NAV3: variants seen among roughly 807,000 people sequenced by gnomAD.
NAV3 encodes the protein neuron navigator 3, also known as pore membrane and/or filament interacting like protein 1.
Under a neutral mutation model 244.7 loss-of-function variants are expected in NAV3, and 87 were observed. That is an observed-to-expected ratio of 0.36 (90% CI 0.30 to 0.42). The LOEUF is 0.42. Among genes scored for constraint, NAV3 ranks in the 20% least tolerant of loss-of-function variants. The pLI is 1.00. For missense variants in NAV3, 2,663 were observed against 2,893.3 expected (o/e 0.92, Z 1.83); for synonymous variants, 1,126 against 1,042.2 (o/e 1.08, Z -1.55).
At chr12:77,573,953 A>G (rs979601270) in intron 2 of NAV3, among the ~76,000 whole-genome samples, 3 of 152,144 alleles carry the variant, frequency 2.0e-5, no homozygotes, top group South Asian at 2.1e-4. Context: ...AACTGTAAAC[A>G]ATGGTTTGTA....
At chr12:78,009,476 A>T in intron 8 of NAV3, among the ~76,000 whole-genome samples, 1 of 137,090 alleles carries the variant, frequency 7.3e-6, no homozygotes, top group Non-Finnish European at 1.7e-5. Context: ...AAAAAAGAGA[A>T]AAAAAGGGCG....
intron 20 of NAV3, among the ~76,000 whole-genome samples, chr12:78,141,336 T>G (rs1956604750): frequency 6.6e-6 from 1 of 152,168 alleles, no homozygotes; most frequent in Admixed American, 6.5e-5. Flanking sequence ...CTACAGGAAG[T>G]TATATTTTAT....
At chr12:78,167,594 C>T (rs1176588780) in intron 23 of NAV3, among the ~76,000 whole-genome samples, 1 of 150,420 alleles carries the variant, frequency 6.6e-6, no homozygotes, top group Non-Finnish European at 1.5e-5. Context: ...CTGCAAAGGC[C>T]GCTGTGGATG....
intron 2 of NAV3, among the ~76,000 whole-genome samples, chr12:77,670,353 T>C (rs1308119138): frequency 6.6e-6 from 1 of 152,066 alleles, no homozygotes; most frequent in East Asian, 1.9e-4. Flanking sequence ...ACAGCTGAAT[T>C]CTATCAGACA....
chr12:77,843,117 C>G (rs1432103592), intron 1 of NAV3, among the ~76,000 whole-genome samples: 4 of 151,946 alleles, frequency 2.6e-5, no homozygotes, highest in Non-Finnish European at 5.9e-5. Flanking sequence ...GATTCTGTTT[C>G]ACATTTCTTT....
chr12:78,123,343 A>T (rs71462126), intron 16 of NAV3, among the ~76,000 whole-genome samples: 48 of 149,456 alleles, frequency 3.2e-4, no homozygotes, highest in Middle Eastern at 6.9e-3. Context: ...TGTTTTTTTT[A>T]TTTTTTTTTT....
chr12:77,664,109 A>T (rs772862212), intron 2 of NAV3, among the ~76,000 whole-genome samples: 14 of 152,376 alleles, frequency 9.2e-5, no homozygotes, highest in Admixed American at 8.5e-4. Context: ...AACCAAAATT[A>T]AAAATTATGA....
At chr12:77,771,521 C>T (rs1870085872) in intron 2 of NAV3, among the ~76,000 whole-genome samples, 1 of 152,138 alleles carries the variant, frequency 6.6e-6, no homozygotes, top group Admixed American at 6.5e-5. Flanking sequence ...ACCCAAATGT[C>T]CCACAATGAT....
intron 12 of NAV3, among the ~76,000 whole-genome samples, chr12:78,078,552 C>T (rs372453289): frequency 3.3e-5 from 5 of 151,328 alleles, no homozygotes; most frequent in Admixed American, 2.6e-4. Flanking sequence ...CCCGCCACTA[C>T]GCCCGGCTAA....
chr12:77,617,735 T>C (rs1482148833), intron 2 of NAV3, among the ~76,000 whole-genome samples: 1 of 152,154 alleles, frequency 6.6e-6, no homozygotes, highest in Non-Finnish European at 1.5e-5. Flanking sequence ...GTAAGATAGA[T>C]GAAATTAACA....
At chr12:78,037,582 C>T (rs1277373663) in intron 9 of NAV3, among the ~76,000 whole-genome samples, 1 of 151,762 alleles carries the variant, frequency 6.6e-6, no homozygotes, top group Non-Finnish European at 1.5e-5. Context: ...CTATGAGCAC[C>T]ACTGGTAAGG....
At chr12:77,749,815 A>G (rs953781022) in intron 2 of NAV3, among the ~76,000 whole-genome samples, 4 of 152,198 alleles carry the variant, frequency 2.6e-5, no homozygotes, top group Non-Finnish European at 4.4e-5. Context: ...CTCGCTGTAT[A>G]TATCAGAGTG....
chr12:78,167,155 G>A (rs963537300), intron 23 of NAV3, among the ~76,000 whole-genome samples: 1 of 151,600 alleles, frequency 6.6e-6, no homozygotes, highest in Non-Finnish European at 1.5e-5. Flanking sequence ...TGCTAATTTG[G>A]CAGTGGACAG....
At chr12:78,039,834 A>G (rs1880552715) in intron 9 of NAV3, among the ~76,000 whole-genome samples, 2 of 152,034 alleles carry the variant, frequency 1.3e-5, no homozygotes, top group Non-Finnish European at 2.9e-5. Context: ...CACCAATGTT[A>G]AAAACTCTAG....
intron 2 of NAV3, among the ~76,000 whole-genome samples, chr12:77,589,951 C>T (rs1190011644): frequency 1.3e-5 from 2 of 152,208 alleles, no homozygotes; most frequent in South Asian, 2.1e-4. Context: ...CAGTAACAGT[C>T]TTTTCCCATA....
At chr12:77,679,084 A>G (rs1043766468) in intron 2 of NAV3, among the ~76,000 whole-genome samples, 7 of 152,214 alleles carry the variant, frequency 4.6e-5, no homozygotes, top group African/African-American at 1.7e-4. Context: ...CATAGTCTAC[A>G]TTAGTTACTA....
chr12:78,032,876 G>T (rs1482033171), intron 9 of NAV3, among the ~76,000 whole-genome samples: 2 of 152,068 alleles, frequency 1.3e-5, no homozygotes, highest in Non-Finnish European at 2.9e-5. Context: ...ACTCAAGGAA[G>T]TTTTTCAATT....
chr12:77,974,602 T>C (rs1456154681), intron 5 of NAV3, among the ~76,000 whole-genome samples: 1 of 152,098 alleles, frequency 6.6e-6, no homozygotes, highest in Non-Finnish European at 1.5e-5. Flanking sequence ...CCAGATGCTA[T>C]GTCAGTATTC....
chr12:77,782,716 T>A (rs1034461329), intron 2 of NAV3, among the ~76,000 whole-genome samples: 8 of 152,182 alleles, frequency 5.3e-5, no homozygotes, highest in Admixed American at 3.9e-4. Context: ...TCATCACACT[T>A]GTAATGGGAA....
Sources: gnomAD v4.1 joint callset for allele counts (sites outside exome capture counted in the v4.1 genomes callset) on GRCh38, gnomAD v4.1.1 for gene constraint, MANE v1.5 for transcripts, NCBI Gene and HGNC (gene_info 2026-07-23, HGNC 2026-07-21) for gene names.